The following BNC2 variants were observed in gnomAD, a reference collection of about 807,000 sequenced individuals.
BNC2 encodes basonuclin zinc finger protein 2.
A neutral mutation model predicts 76.3 loss-of-function variants in BNC2; 20 were observed. The ratio of observed to expected loss-of-function variants is 0.26; its 90% CI spans 0.18 to 0.38. The LOEUF is 0.38. Among genes scored for constraint, BNC2 ranks in the 10% least tolerant of loss-of-function variants. The pLI is 1.00. For missense variants in BNC2, 1,382 were observed against 1,399.8 expected (o/e 0.99, Z 0.20); for synonymous variants, 582 against 514.8 (o/e 1.13, Z -1.77).
intron 1 of BNC2, among the ~76,000 whole-genome samples, chr9:16,741,907 G>A (rs1587370370): frequency 7.6e-6 from 1 of 131,238 alleles, no homozygotes; most frequent in African/African-American, 2.9e-5. Flanking sequence ...GCAGTGAGCT[G>A]AGATCACGCC....
intron 5 of BNC2, among the ~76,000 whole-genome samples, chr9:16,484,510 G>T (rs543782873): frequency 6.6e-6 from 1 of 152,260 alleles, no homozygotes; most frequent in African/African-American, 2.4e-5. Context: ...TTTAAACTCT[G>T]AGCTACTCAA....
rs1820585863 is a variant in BNC2 at position 16,416,453 on chromosome 9, C to T, written c.*2536G>A. On this transcript the variant is annotated 3_prime_UTR_variant, in exon 7 of 7. Coordinates refer to ENST00000380672, the MANE Select transcript of BNC2 (RefSeq NM_017637.6). ...TCTAGTTCAATCTTTCACAAACATA[C>T]TGTACAGAGTCTTATATGGTATAAA... 1 of 152,612 alleles carries T rather than the reference C, an allele frequency of 6.6e-6. No homozygotes were observed. The highest frequency in any genetic ancestry group is 2.4e-5 in the African/African-American group (1 of 41,422). The allele number at this position is 152,612 out of a possible 1,614,324, so 9.5% of individuals were successfully genotyped here.
intron 5 of BNC2, among the ~76,000 whole-genome samples, chr9:16,457,630 T>A (rs1821482987): frequency 6.6e-6 from 1 of 152,030 alleles, no homozygotes; most frequent in Non-Finnish European, 1.5e-5. Flanking sequence ...TTTGTGGGAG[T>A]GGTCACGTAG....
chr9:16,790,030 C>T (rs947257480), intron 1 of BNC2, among the ~76,000 whole-genome samples: 25 of 152,126 alleles, frequency 1.6e-4, no homozygotes, highest in Non-Finnish European at 2.5e-4. Context: ...GATGGAGTCT[C>T]GCTCTGTCGC....
intron 1 of BNC2, among the ~76,000 whole-genome samples, chr9:16,858,148 AG>A (rs1819308814): frequency 6.6e-6 from 1 of 152,208 alleles, no homozygotes; most frequent in Admixed American, 6.5e-5. Context: ...CGGGATGTCT[AG>A]GAAGACAAAT....
At chr9:16,645,263 A>G (rs1421998217) in intron 3 of BNC2, among the ~76,000 whole-genome samples, 1 of 152,188 alleles carries the variant, frequency 6.6e-6, no homozygotes, top group Non-Finnish European at 1.5e-5. Context: ...TGGAAAAGTT[A>G]AAGAATCTTG....
Position 16,857,127 on chromosome 9 carries a change from A to G in BNC2, c.3+13519T>C, listed in dbSNP as rs550530077. ...AAAATGTGTCAATTGGGATAAATGT[A>G]TATGTAACCAAAATTTACGTCTGGT... On this transcript the variant is annotated intron_variant, in intron 1 of 6. Transcript: ENST00000380672. 1.4e-4 allele frequency among the ~76,000 whole-genome samples: 21 copies of G among 152,302 alleles called. No homozygotes were observed. The South Asian group carries it at 2.3e-3, about 17-fold the overall frequency.
chr9:16,419,388 G>A lies in BNC2; in HGVS notation c.2901C>T (p.Ser967=). Residue 967 remains serine (S), a synonymous_variant, in exon 7 of 7, where the codon AGC becomes AGT. Transcript: ENST00000380672. ...YMVLDLSTTS[S]LQSSSSIHSS... ...AATGGATACTGCTGCTGGACTGGAG[G>A]CTGGAGGTGGTGCTCAAGTCAAGGA... 1 of 1,601,794 alleles carries A rather than the reference G, an allele frequency of 6.2e-7. No individual in the cohort carries two copies. Among genetic ancestry groups the A allele is most frequent in the South Asian group, 1.1e-5 (1 of 89,060 alleles).
intron 3 of BNC2, chr9:16,685,427 C>A (rs1822946088): frequency 3.9e-6 from 2 of 513,116 alleles, no homozygotes; most frequent in Non-Finnish European, 3.6e-6. Context: ...ACTGGTTCCT[C>A]TTTACACCTA....
chr9:16,751,321 G>A (rs969374613), intron 1 of BNC2, among the ~76,000 whole-genome samples: 11 of 149,848 alleles, frequency 7.3e-5, no homozygotes, highest in Non-Finnish European at 1.6e-4. Context: ...ATGAGTAAAT[G>A]TAAACTAAGG....
chr9:16,728,485 CATA>C (rs1235311764), intron 2 of BNC2, among the ~76,000 whole-genome samples: 3 of 152,272 alleles, frequency 2.0e-5, no homozygotes, highest in East Asian at 3.9e-4. Flanking sequence ...TGATATAACA[CATA>C]ATATCTGACA....
chr9:16,870,571 C>T, intron 1 of BNC2, 75 bp downstream of exon 1: 1 of 1,569,332 alleles, frequency 6.4e-7, no homozygotes, highest in Non-Finnish European at 8.7e-7. Context: ...CGGGCGGCCC[C>T]GGTGGCGCTC....
In BNC2 at chr9:16,412,582, A is replaced by G. The variant is rs1820485150; in HGVS notation, c.*6407T>C. 6.6e-6 allele frequency: 1 copy of G among 152,624 alleles called. No individual in the cohort carries two copies. Among genetic ancestry groups the G allele is most frequent in the South Asian group, 2.1e-4 (1 of 4,836 alleles). 9.5% of individuals were successfully genotyped at this position (152,624 alleles called of 1,614,324 possible). ...CATCTCTCTACTGACCCTTTATTTA[A>G]GAAGTCATCTTGTTACTGTCCACTT... On this transcript the variant is annotated 3_prime_UTR_variant, in exon 7 of 7. Coordinates refer to ENST00000380672, the MANE Select transcript of BNC2 (RefSeq NM_017637.6).
At chr9:16,556,759 T>A (rs561324652) in intron 4 of BNC2, among the ~76,000 whole-genome samples, 99 of 135,768 alleles carry the variant, frequency 7.3e-4, no homozygotes, top group African/African-American at 3.2e-3. Context: ...AGAGCGAGAC[T>A]CTAACTCAAA....
chr9:16,678,647 T>G (rs990667902), intron 3 of BNC2, among the ~76,000 whole-genome samples: 3 of 149,744 alleles, frequency 2.0e-5, no homozygotes, highest in African/African-American at 7.4e-5. Flanking sequence ...AGTAACAGTC[T>G]CTTTTTTTTT....
chr9:16,830,309 C>T (rs531939333), intron 1 of BNC2, among the ~76,000 whole-genome samples: 7 of 152,256 alleles, frequency 4.6e-5, no homozygotes, highest in Admixed American at 6.5e-5. Context: ...CAGGGTGGTA[C>T]GGAATGGTTG....
intron 1 of BNC2, among the ~76,000 whole-genome samples, chr9:16,748,825 A>T (rs1182046070): frequency 7.3e-6 from 1 of 137,612 alleles, no homozygotes; most frequent in East Asian, 2.1e-4. Flanking sequence ...CCTGGGCAAC[A>T]GAGCGAAACC....
intron 3 of BNC2, among the ~76,000 whole-genome samples, chr9:16,673,463 CAT>C (rs1202759856): frequency 2.0e-5 from 3 of 149,870 alleles, no homozygotes; most frequent in Admixed American, 1.3e-4. Context: ...CACACACACA[CAT>C]ACAACTGAGA....
intron 3 of BNC2, among the ~76,000 whole-genome samples, chr9:16,702,355 A>C (rs10756786): frequency 0.61 from 92,829 of 151,948 alleles, 31,511 homozygotes; most frequent in Non-Finnish European, 0.79. Context: ...ATGATTAGAA[A>C]AGATTATACA....
Sources: gnomAD v4.1 joint callset for allele counts (sites outside exome capture counted in the v4.1 genomes callset) on GRCh38, gnomAD v4.1.1 for gene constraint, MANE v1.5 for transcripts, NCBI Gene and HGNC (gene_info 2026-07-23, HGNC 2026-07-21) for gene names.